LSMEM2: variants seen among roughly 807,000 people sequenced by gnomAD.
LSMEM2 encodes the protein leucine-rich single-pass membrane protein 2.
Under a neutral mutation model 17.3 loss-of-function variants are expected in LSMEM2, and 20 were observed. The observed-to-expected ratio is 1.16, with a 90% CI of 0.81 to 1.68. LSMEM2 has a LOEUF of 1.68. Among genes scored for constraint, LSMEM2 ranks in the 40% most tolerant of loss-of-function variants. The pLI is 0.00. For synonymous variants in LSMEM2, 94 were observed against 97.8 expected (o/e 0.96, Z 0.23); for missense variants, 207 against 214.3 (o/e 0.97, Z 0.21).
chr3:50,280,847 C>T (rs1175245550), intron 1 of LSMEM2, among the ~76,000 whole-genome samples: 1 of 151,884 alleles, frequency 6.6e-6, no homozygotes, highest in Non-Finnish European at 1.5e-5. Flanking sequence ...CCCACTTCGG[C>T]CTCCCAAAGT....
chr3:50,287,920 G>A lies in LSMEM2; in HGVS notation c.*718G>A, dbSNP rs1224469848. On this transcript the variant is annotated 3_prime_UTR_variant, in exon 4 of 4. Transcript: ENST00000316436. ...CCTGAGAAAGGAAAGGAAGGGAAAG[G>A]CCCCCTAGTGCCTGCCCCACAGCCC... The A allele has an allele frequency of 4.5e-6, 2 of 447,782 alleles. No homozygotes were observed. The highest frequency in any genetic ancestry group is 8.1e-6 in the Non-Finnish European group (2 of 245,820). 27.7% of individuals were successfully genotyped at this position (447,782 alleles called of 1,614,324 possible).
At chr3:50,281,670 ATTTTTTTT>A (rs144025924) in intron 1 of LSMEM2, among the ~76,000 whole-genome samples, 2 of 95,468 alleles carry the variant, frequency 2.1e-5, no homozygotes, top group South Asian at 3.2e-4. Flanking sequence ...GCAGCAGGGA[ATTTTTTTT>A]TTTTTTTTTT....
chr3:50,287,113 A>G lies in LSMEM2; in HGVS notation c.406A>G (p.Thr136Ala), dbSNP rs1553708681. The G allele has an allele frequency of 6.2e-7, 1 of 1,614,156 alleles. No individual in the cohort carries two copies. The highest frequency in any genetic ancestry group is 1.7e-5 in the Admixed American group (1 of 60,020). The change falls in exon 4 of 4, where the codon ACG becomes GCG. Residue 136 changes from threonine (T) to alanine (A), a missense_variant. Physicochemically the swap from Thr to Ala is moderately conservative, Grantham distance 58. Transcript: ENST00000316436. ...GCGCATCCTGGCACACACGCTCCGC[A>G]CGCAGGAGGAGACACTACTCAAACT... ...SLRILAHTLR[T>A]QEETLLKLRL...
chr3:50,282,994 G>A (rs1001915713), intron 1 of LSMEM2, among the ~76,000 whole-genome samples: 6 of 151,552 alleles, frequency 4.0e-5, no homozygotes, highest in African/African-American at 7.3e-5. Flanking sequence ...AGACCATCCT[G>A]GCCAACATGG....
At chr3:50,283,619 T>TC (rs1280767306) in intron 1 of LSMEM2, among the ~76,000 whole-genome samples, 5 of 115,628 alleles carry the variant, frequency 4.3e-5, no homozygotes, top group Non-Finnish European at 8.6e-5. Flanking sequence ...AGAGCGAGAC[T>TC]CCATCTCAAA....
intron 2 of LSMEM2, 31 bp from the exon 3 acceptor site, chr3:50,286,643 C>T (rs1376742276): frequency 1.2e-6 from 2 of 1,611,160 alleles, no homozygotes; most frequent in East Asian, 2.2e-5. Context: ...GCAGGTGCAC[C>T]CACCACCCTC....
Position 50,286,489 on chromosome 3 carries a change from T to G in LSMEM2, c.77T>G (p.Met26Arg). 6.2e-7 allele frequency: 1 copy of G among 1,607,648 alleles called. No homozygotes were observed. Residue 26 changes from methionine to arginine, a missense_variant, in exon 2 of 4, where the codon ATG becomes AGG. Met to Arg is a moderately conservative substitution (Grantham distance 91, BLOSUM62 -1). Coordinates refer to ENST00000316436, the MANE Select transcript of LSMEM2 (RefSeq NM_153215.3). ...ETQEDSVAPM[M>R]PSQRSRGPLA... is the part of the protein sequence containing the mutation. ...CCTGCAGACTCCGTGGCGCCAATGA[T>G]GCCCAGCCAGAGGAGCAGGGGGCCA...
chr3:50,286,846 G>C lies in LSMEM2; in HGVS notation c.345G>C (p.Leu115=). The C allele has an allele frequency of 6.2e-7, 1 of 1,613,740 alleles. No homozygotes were observed. Among genetic ancestry groups the C allele is most frequent in the Non-Finnish European group, 8.5e-7 (1 of 1,180,018 alleles). The change falls in exon 3 of 4, where the codon CTG becomes CTC. Residue 115 remains leucine, a synonymous_variant. Transcript: ENST00000316436. ...TCACTTGCCTAGTGCTCGCACTCCT[G>C]GCTGTCTACCTGAGCGGTATGGACG... is the stretch of plus-strand genomic sequence containing the variant. ...LVLTCLVLAL[L]AVYLSVLQSE... is the part of the protein sequence containing the mutation.
intron 1 of LSMEM2, 48 bp from the exon 2 acceptor site, chr3:50,286,423 A>AG: frequency 6.5e-7 from 1 of 1,535,046 alleles, no homozygotes; most frequent in South Asian, 1.2e-5. Flanking sequence ...GGTAGAAGGA[A>AG]GGGGGTTGAC....
At chr3:50,285,647 A>G (rs1553708294) in intron 1 of LSMEM2, among the ~76,000 whole-genome samples, 1 of 148,046 alleles carries the variant, frequency 6.8e-6, no homozygotes, top group African/African-American at 2.7e-5. Context: ...CTCAAAAAAC[A>G]AACAAACAAA....
chr3:50,287,203 G>T lies in LSMEM2; in HGVS notation c.*1G>T, dbSNP rs781928271. 1 of 1,613,612 alleles carries T rather than the reference G, an allele frequency of 6.2e-7. No individual in the cohort carries two copies. The highest frequency in any genetic ancestry group is 8.5e-7 in the Non-Finnish European group (1 of 1,179,972). On this transcript the variant is annotated 3_prime_UTR_variant, in exon 4 of 4. Coordinates refer to ENST00000316436, the MANE Select transcript of LSMEM2 (RefSeq NM_153215.3). The stretch of plus-strand genomic sequence containing the variant: ...CAGTGAGGCCCAAGCACCCAGCTGA[G>T]ATGCCATTTGGATCTGGGGCCTGGG...
rs201740116 is a variant in LSMEM2, at chr3:50,287,060, C to A, written c.362-9C>A. The A allele has an allele frequency of 2.9e-5, 46 of 1,613,922 alleles. No homozygotes were observed. In the Middle Eastern group the frequency reaches 5.0e-4, roughly 17 times the overall value. On this transcript the variant is annotated splice_polypyrimidine_tract_variant and intron_variant, in intron 3 of 3. Coordinates refer to ENST00000316436, the MANE Select transcript of LSMEM2 (RefSeq NM_153215.3). The stretch of plus-strand genomic sequence containing the variant: ...CATGGTCTGATGATCCCCCACTTCC[C>A]ATTCACAGTGCTGCAGAGTGAATCC...
chr3:50,279,110 C>G lies in LSMEM2; in HGVS notation c.-4C>G. ...CTGCTGCATTTGTCCAGTCCTGCTA[C>G]TGGATGCCATCATTGGCCCCCGACT... On this transcript the variant is annotated 5_prime_UTR_variant, in exon 1 of 4. Transcript: ENST00000316436. The G allele has an allele frequency of 6.2e-7, 1 of 1,614,188 alleles. No homozygotes were observed.
Position 50,286,808 on chromosome 3 carries a change from G to C in LSMEM2, c.307G>C (p.Ala103Pro), listed in dbSNP as rs782152277. 8 of 1,613,968 alleles carry C rather than the reference G, an allele frequency of 5.0e-6. No homozygotes were observed. In the African/African-American group the frequency reaches 9.3e-5, roughly 19 times the overall value. The change falls in exon 3 of 4, where the codon GCG becomes CCG. Residue 103 changes from alanine to proline, a missense_variant. Ala to Pro is a conservative substitution (Grantham distance 27, BLOSUM62 -1). Coordinates refer to ENST00000316436, the MANE Select transcript of LSMEM2 (RefSeq NM_153215.3). ...ACGAGGAGGGTTCCTGCTGCTGCTC[G>C]CGCTGCTGGTGCTCACTTGCCTAGT... is the stretch of plus-strand genomic sequence containing the variant. ...YRRGGFLLLL[A>P]LLVLTCLVLA...
At chr3:50,283,049 G>A (rs587616800) in intron 1 of LSMEM2, among the ~76,000 whole-genome samples, 3 of 152,188 alleles carry the variant, frequency 2.0e-5, no homozygotes, top group African/African-American at 7.2e-5. Context: ...GCCAGGCGTG[G>A]TGGCACGTGC....
rs1701549815 is a variant in LSMEM2, at chr3:50,286,723, G to A, written c.222G>A (p.Glu74=). The change falls in exon 3 of 4, where the codon GAG becomes GAA. Residue 74 remains glutamate (E), a synonymous_variant. Coordinates refer to ENST00000316436, the MANE Select transcript of LSMEM2 (RefSeq NM_153215.3). ...YLTEEARPWD[E]LLGVLPPSLC... is the part of the protein sequence containing the mutation. ...CTGAAGAGGCACGACCGTGGGATGAGCTGCTGGGCGTTTTGCCGCCGTCAC... is the reference window on the plus strand; with the variant it reads ...CTGAAGAGGCACGACCGTGGGATGAACTGCTGGGCGTTTTGCCGCCGTCAC... 4 of 1,614,246 alleles carry A rather than the reference G, an allele frequency of 2.5e-6. No individual in the cohort carries two copies. Among genetic ancestry groups the A allele is most frequent in the Non-Finnish European group, 3.4e-6 (4 of 1,180,044 alleles).
chr3:50,280,835 C>T (rs587708331), intron 1 of LSMEM2, among the ~76,000 whole-genome samples: 2 of 151,502 alleles, frequency 1.3e-5, no homozygotes, highest in African/African-American at 4.8e-5. Context: ...CCTCGTGATC[C>T]ACCCACTTCG....
chr3:50,282,392 G>A (rs1221000345), intron 1 of LSMEM2, among the ~76,000 whole-genome samples: 1 of 152,162 alleles, frequency 6.6e-6, no homozygotes, highest in Non-Finnish European at 1.5e-5. Flanking sequence ...TCAAGAGGCA[G>A]TTTCAAGTAA....
At chr3:50,278,376 G>A (rs1701321522), upstream of LSMEM2, among the ~76,000 whole-genome samples, 2 of 152,226 alleles carry the variant, frequency 1.3e-5, no homozygotes, top group Non-Finnish European at 2.9e-5. Context: ...AGCAGGGGAA[G>A]ACCAAAACCG....
Sources: allele counts gnomAD v4.1 joint callset (sites outside exome capture counted in the v4.1 genomes callset), GRCh38; gene constraint gnomAD v4.1.1; transcripts MANE v1.5; gene names NCBI Gene and HGNC (gene_info 2026-07-23, HGNC 2026-07-21).